The following PPP2R1B variants were observed in gnomAD, a reference collection of about 807,000 sequenced individuals.
The protein encoded by PPP2R1B is serine/threonine-protein phosphatase 2A 65 kDa regulatory subunit A beta isoform.
In PPP2R1B, 58 loss-of-function variants were observed where a neutral mutation model predicts 72.7. The observed-to-expected ratio is 0.80, with a 90% CI of 0.65 to 0.99. The LOEUF (loss-of-function observed/expected upper bound fraction) is 0.99. Among genes scored for constraint, PPP2R1B ranks in the 50% least tolerant of loss-of-function variants. The pLI, the probability that PPP2R1B is intolerant of heterozygous loss-of-function variation, is 0.00. For synonymous variants in PPP2R1B, 256 were observed against 264.6 expected (o/e 0.97, Z 0.32); for missense variants, 695 against 733.6 (o/e 0.95, Z 0.61).
downstream of PPP2R1B, among the ~76,000 whole-genome samples, chr11:111,736,225 T>C (rs1033961318): frequency 6.6e-6 from 1 of 152,046 alleles, no homozygotes; most frequent in African/African-American, 2.4e-5. Flanking sequence ...AACGGCAACT[T>C]ATTCTCAGTA....
the PPP2R1B span, among the ~76,000 whole-genome samples, chr11:111,708,400 A>T: frequency 1.3e-5 from 2 of 152,168 alleles, no homozygotes; most frequent in Non-Finnish European, 2.9e-5. Context: ...AAACATAAAA[A>T]AAAATAAATA....
At chr11:111,731,194 G>A (rs949108477) in intron 15 of PPP2R1B, among the ~76,000 whole-genome samples, 1 of 152,244 alleles carries the variant, frequency 6.6e-6, no homozygotes, top group Non-Finnish European at 1.5e-5. Context: ...CAGGTAGCCT[G>A]GGCAAGGGCC....
rs61757743 is a variant in PPP2R1B, at chr11:111,764,895, A to G, written c.216T>C (p.Tyr72=). 13,163 of 1,613,890 alleles carry G rather than the reference A, an allele frequency of 8.2e-3. 69 individuals carry two copies. Among genetic ancestry groups the G allele is most frequent in the Middle Eastern group, 0.025 (150 of 6,060 alleles). Residue 72 remains tyrosine, a synonymous_variant, in exon 3 of 15, where the codon TAT becomes TAC. Coordinates refer to ENST00000527614, the MANE Select transcript of PPP2R1B (RefSeq NM_002716.5). ...GAGCTAATAGTACCTCATCTTCATC[A>G]TAAATTGTATCTGGAAGTGACAACA... is the stretch of plus-strand genomic sequence containing the variant. ...ELLPFLTDTI[Y]DEDEVLLALA... is the part of the protein sequence containing the mutation.
intron 5 of PPP2R1B, among the ~76,000 whole-genome samples, chr11:111,758,245 C>T (rs1246744065): frequency 6.6e-6 from 1 of 152,192 alleles, no homozygotes. Context: ...AGGTAGCTTA[C>T]ATTATATTTC....
Position 111,766,244 on chromosome 11 carries a change from G to T in PPP2R1B, c.114+4C>A. On this transcript the variant is annotated splice_donor_region_variant and intron_variant, in intron 1 of 14. Transcript: ENST00000527614. ...GCCTCGGGTCCCCGGCCTCAGTCCA[G>T]TACCTGCACGTCTTCATTGCGGAGC... 6.2e-7 allele frequency: 1 copy of T among 1,613,742 alleles called. No homozygotes were observed. Among genetic ancestry groups the T allele is most frequent in the Non-Finnish European group, 8.5e-7 (1 of 1,179,784 alleles).
Position 111,740,448 on chromosome 11 carries a change from G to A in PPP2R1B, c.*1148C>T. The A allele has an allele frequency of 1.0e-6, 1 of 979,022 alleles. No homozygotes were observed. Among genetic ancestry groups the A allele is most frequent in the Non-Finnish European group, 1.2e-6 (1 of 824,230 alleles). 60.6% of individuals were successfully genotyped at this position (979,022 alleles called of 1,614,324 possible). A position where few individuals can be genotyped will look rare whatever the true frequency, so the allele number is the denominator to read the frequency against. Reference sequence around the variant, plus strand: ...TTGGTCAGGCTGATCTCGAATTCTTGACCTCAAATGATCCCAAATAGGTGC... The same window carrying A: ...TTGGTCAGGCTGATCTCGAATTCTTAACCTCAAATGATCCCAAATAGGTGC... On this transcript the variant is annotated 3_prime_UTR_variant, in exon 15 of 15. Transcript: ENST00000527614.
chr11:111,698,451 A>C, the PPP2R1B span, among the ~76,000 whole-genome samples: 1 of 152,278 alleles, frequency 6.6e-6, no homozygotes, highest in South Asian at 2.1e-4. Context: ...AGACATTAAA[A>C]CTTACCAATG....
intron 10 of PPP2R1B, 52 bp downstream of exon 10, chr11:111,752,107 A>G: frequency 6.6e-7 from 1 of 1,513,508 alleles, no homozygotes; most frequent in Non-Finnish European, 8.9e-7. Flanking sequence ...TGCCATGGTA[A>G]ATTGTCACTA....
intron 11 of PPP2R1B, among the ~76,000 whole-genome samples, 181 bp downstream of exon 11, chr11:111,747,772 GA>G (rs1226436526): frequency 6.6e-6 from 1 of 152,116 alleles, no homozygotes; most frequent in Non-Finnish European, 1.5e-5. Context: ...TAAAATCGAA[GA>G]TACAAAAAAT....
intron 15 of PPP2R1B, chr11:111,729,045 C>G (rs1019084921): frequency 2.0e-5 from 3 of 152,218 alleles, no homozygotes; most frequent in Non-Finnish European, 2.9e-5. Context: ...TCTGAAGCAC[C>G]TGTAATGTCA....
intron 2 of PPP2R1B, 95 bp downstream of exon 2, chr11:111,765,199 A>C: frequency 7.8e-7 from 1 of 1,278,594 alleles, no homozygotes; most frequent in South Asian, 1.3e-5. Flanking sequence ...CACCTGGCTC[A>C]TTTTAATGTG....
chr11:111,701,551 C>A, the PPP2R1B span: 6 of 1,613,654 alleles, frequency 3.7e-6, no homozygotes, highest in Non-Finnish European at 5.1e-6. This position sits in a 1 kb window ranked among gnomAD's most constrained non-coding sequence, Gnocchi z 4.2. Flanking sequence ...AGGAAGATTC[C>A]GGATTCCGTA....
At chr11:111,728,015 T>C (rs1490244048) in intron 15 of PPP2R1B, 7 of 152,246 alleles carry the variant, frequency 4.6e-5, no homozygotes, top group African/African-American at 1.7e-4. Context: ...AGGTAACTTT[T>C]TCCCATTCGA....
Position 111,765,310 on chromosome 11 carries a change from C to A in PPP2R1B, c.189G>T (p.Leu63Phe). The stretch of plus-strand genomic sequence containing the variant: ...TTCACATACCTGTAAGAAATGGCAA[C>A]AATTCACTTCGGGTCCTTTCTACTC... ...ALGVERTRSE[L>F]LPFLTDTIYD... The change falls in exon 2 of 15, where the codon TTG (leucine) becomes TTT (phenylalanine). Residue 63 changes from leucine (L) to phenylalanine (F), a missense_variant. By Grantham distance (22) the Leu-to-Phe change is conservative (BLOSUM62 0). Transcript: ENST00000527614. 1 of 1,612,116 alleles carries A rather than the reference C, an allele frequency of 6.2e-7. No individual in the cohort carries two copies. The highest frequency in any genetic ancestry group is 8.5e-7 in the Non-Finnish European group (1 of 1,178,274).
At position 111,741,471 on chromosome 11, in the gene PPP2R1B, A is replaced by G; in HGVS notation, c.*125T>C. ...TTAAGTCACTAAATGATTTCTTCTA[A>G]GTTGTTGCCATTTGCTTGGATGAGA... On this transcript the variant is annotated 3_prime_UTR_variant, in exon 15 of 15. Coordinates refer to ENST00000527614, the MANE Select transcript of PPP2R1B (RefSeq NM_002716.5). 2 of 1,505,924 alleles carry G rather than the reference A, an allele frequency of 1.3e-6. No homozygotes were observed. Among genetic ancestry groups the G allele is most frequent in the Non-Finnish European group, 1.8e-6 (2 of 1,132,366 alleles). 93.3% of individuals were successfully genotyped at this position (1,505,924 alleles called of 1,614,324 possible).
the PPP2R1B span, chr11:111,720,018 C>A: frequency 6.2e-7 from 1 of 1,605,716 alleles, no homozygotes; most frequent in Non-Finnish European, 8.5e-7. Context: ...GGTAGAGGAG[C>A]GACACTAGCT....
In PPP2R1B at chr11:111,738,110, AGGAACTGGAT is replaced by A; in HGVS notation, c.*3476_*3485del. 1.0e-6 allele frequency: 1 copy of A among 989,358 alleles called. No homozygotes were observed. Among genetic ancestry groups the A allele is most frequent in the Non-Finnish European group, 1.2e-6 (1 of 831,866 alleles). The allele number at this position is 989,358 out of a possible 1,614,324, so 61.3% of individuals were successfully genotyped here. On this transcript the variant is annotated 3_prime_UTR_variant, in exon 15 of 15. Coordinates refer to ENST00000527614, the MANE Select transcript of PPP2R1B (RefSeq NM_002716.5). ...CGAGGGAAGAGGAAAGAGGAGAGTAAGGAACTGGATGGAAACAGGAATACTGGAGAATCAA... is the reference window on the plus strand; with the variant it reads ...CGAGGGAAGAGGAAAGAGGAGAGTAAGGAAACAGGAATACTGGAGAATCAA...
Position 111,740,344 on chromosome 11 carries a change from A to C in PPP2R1B, c.*1252T>G. 1 of 859,364 alleles carries C rather than the reference A, an allele frequency of 1.2e-6. No individual in the cohort carries two copies. The highest frequency in any genetic ancestry group is 1.4e-6 in the Non-Finnish European group (1 of 715,348). 53.2% of individuals were successfully genotyped at this position (859,364 alleles called of 1,614,324 possible). On this transcript the variant is annotated 3_prime_UTR_variant, in exon 15 of 15. Transcript: ENST00000527614. ...GCAATTCTCCTGCCTCAGCCTCCTGAGTAGCTGGGACTACAGGTGTGTGCC... is the reference window on the plus strand; with the variant it reads ...GCAATTCTCCTGCCTCAGCCTCCTGCGTAGCTGGGACTACAGGTGTGTGCC...
At chr11:111,716,688 C>G in the PPP2R1B span, among the ~76,000 whole-genome samples, 2 of 152,182 alleles carry the variant, frequency 1.3e-5, no homozygotes, top group Non-Finnish European at 2.9e-5. Context: ...TAATAAAAGA[C>G]ATAATTCCTC....
Sources: gnomAD v4.1 joint callset for allele counts (sites outside exome capture counted in the v4.1 genomes callset) on GRCh38, gnomAD v4.1.1 for gene constraint, Gnocchi (gnomAD v3.1) non-coding constraint, MANE v1.5 for transcripts, NCBI Gene and HGNC (gene_info 2026-07-23, HGNC 2026-07-21) for gene names.